VPS13C: variants seen among roughly 807,000 people sequenced by gnomAD.
VPS13C encodes vacuolar protein sorting 13 homolog C, also known as intermembrane lipid transfer protein VPS13C.
A neutral mutation model predicts 456.8 loss-of-function variants in VPS13C; 358 were observed. The ratio of observed to expected loss-of-function variants is 0.78; its 90% CI spans 0.72 to 0.86. The LOEUF is 0.86. Ranked by LOEUF, VPS13C falls within the 40% of genes least tolerant of loss-of-function variation. The pLI is 0.00. For missense variants in VPS13C, 4,818 were observed against 4,385.4 expected, an observed-to-expected ratio of 1.10 and a Z score of -2.79; for synonymous variants, 1,578 against 1,486.7, an observed-to-expected ratio of 1.06 and a Z score of -1.41.
chr15:61,962,318 C>G, intron 34 of VPS13C, 53 bp downstream of exon 34: 1 of 1,461,476 alleles, frequency 6.8e-7, no homozygotes, highest in Non-Finnish European at 9.2e-7. Context: ...ATAATTATCA[C>G]ACTTTTAAAA....
chr15:62,008,564 T>A, intron 14 of VPS13C, 91 bp downstream of exon 14: 1 of 718,882 alleles, frequency 1.4e-6, no homozygotes, highest in African/African-American at 1.8e-5. Flanking sequence ...AGTGGCTGAA[T>A]TACTTGGCTT....
chr15:61,923,953 C>T (rs1040376449), intron 53 of VPS13C, among the ~76,000 whole-genome samples: 1 of 140,808 alleles, frequency 7.1e-6, no homozygotes, highest in Non-Finnish European at 1.5e-5. Context: ...GCAAGCTCCG[C>T]CTCCCGGGTT....
intron 66 of VPS13C, among the ~76,000 whole-genome samples, chr15:61,899,477 TA>T (rs2042932174): frequency 6.6e-6 from 1 of 152,022 alleles, no homozygotes; most frequent in African/African-American, 2.4e-5. Context: ...AACTATACTA[TA>T]AACACCTCTA....
chr15:62,017,656 G>C (rs1596483136), intron 9 of VPS13C, among the ~76,000 whole-genome samples: 1 of 152,042 alleles, frequency 6.6e-6, no homozygotes, highest in Admixed American at 6.6e-5. Context: ...TCTCTGTTTT[G>C]GTACCAGTAC....
intron 3 of VPS13C, among the ~76,000 whole-genome samples, chr15:62,040,165 T>G (rs1361749574): frequency 6.6e-6 from 1 of 151,984 alleles, no homozygotes; most frequent in Non-Finnish European, 1.5e-5. Flanking sequence ...TTAAAACAAC[T>G]GAACTCATGG....
At chr15:62,030,230 C>A (rs1304276767) in intron 5 of VPS13C, among the ~76,000 whole-genome samples, 1 of 152,038 alleles carries the variant, frequency 6.6e-6, no homozygotes, top group East Asian at 1.9e-4. Flanking sequence ...GCAGCATTTA[C>A]AAATTCAAGG....
chr15:61,949,633 G>C, intron 41 of VPS13C, 28 bp from the exon 42 acceptor site: 1 of 1,576,134 alleles, frequency 6.3e-7, no homozygotes, highest in Non-Finnish European at 8.6e-7. Context: ...TAAAGAGGCA[G>C]ATTTCAGATG....
rs1458585112 is a variant in VPS13C at position 61,973,517 on chromosome 15, T to C, written c.2554A>G (p.Ile852Val). 1.9e-6 allele frequency: 3 copies of C among 1,612,382 alleles called. No homozygotes were observed. The highest frequency in any genetic ancestry group is 2.7e-5 in the African/African-American group (2 of 74,842). Residue 852 changes from isoleucine (I) to valine (V), a missense_variant, in exon 26 of 85, where the codon ATT becomes GTT. Physicochemically the swap from Ile to Val is conservative, Grantham distance 29. Coordinates refer to ENST00000644861, the MANE Select transcript of VPS13C (RefSeq NM_020821.3). ...AGACCTTTTGTACCACCTGAAATAA[T>C]AGGAATTGAGGATACCTAGCAAAGA... is the stretch of plus-strand genomic sequence containing the variant. ...SPERQVSSIP[I>V]ISGGTKGLLG...
chr15:61,925,614 G>C, intron 52 of VPS13C, 66 bp from the exon 53 acceptor site: 2 of 1,129,746 alleles, frequency 1.8e-6, no homozygotes. Context: ...ACACTTACAA[G>C]AACCATGTCT....
At chr15:61,898,561 A>AAT (rs1421298566) in intron 66 of VPS13C, among the ~76,000 whole-genome samples, 2 of 152,108 alleles carry the variant, frequency 1.3e-5, no homozygotes, top group Admixed American at 1.3e-4. Context: ...AACTTTCCTA[A>AAT]ATATATATGC....
intron 31 of VPS13C, 69 bp from the exon 32 acceptor site, chr15:61,964,020 C>A: frequency 2.0e-6 from 2 of 1,005,848 alleles, no homozygotes; most frequent in South Asian, 1.5e-5. Flanking sequence ...AAGGTTTATT[C>A]GCTATATTAA....
In VPS13C at chr15:61,945,871, A is replaced by C. The variant is rs1249079970; in HGVS notation, c.4992T>G (p.Ile1664Met). ...GGAACCTAAAGACTTCATCTCCCAA[A>C]ATAGAGACAGCCTAAAAGTATTAGA... The part of the protein sequence containing the change: ...LQSIHKKAVS[I>M]LGDEVFRFQL... The change falls in exon 45 of 85, where the codon ATT becomes ATG. Residue 1664 changes from isoleucine (I) to methionine (M), a missense_variant. Physicochemically the swap from Ile to Met is conservative, Grantham distance 10. Transcript: ENST00000644861. 6.2e-7 allele frequency: 1 copy of C among 1,606,698 alleles called. No homozygotes were observed. Among genetic ancestry groups the C allele is most frequent in the African/African-American group, 1.3e-5 (1 of 74,410 alleles).
chr15:62,060,276 GC>G lies in VPS13C; in HGVS notation c.98del (p.Gly33AlafsTer6). 6.2e-7 allele frequency: 1 copy of G among 1,601,370 alleles called. No individual in the cohort carries two copies. Among genetic ancestry groups the G allele is most frequent in the Admixed American group, 1.7e-5 (1 of 59,202 alleles). ...NKSQLKLGIW[G>X]GNVALDNLQI... The stretch of plus-strand genomic sequence containing the variant: ...CACTGGCCGCGCCCTCTCGCTTACC[GC>G]CCCAGATGCCCAGCTTCAGCTGGGA... On this transcript the variant is annotated frameshift_variant and splice_region_variant, in exon 1 of 85. Coordinates refer to ENST00000644861, the MANE Select transcript of VPS13C (RefSeq NM_020821.3). LOFTEE classifies it high-confidence loss of function.
At chr15:61,889,677 GTAC>G (rs1369291013) in intron 67 of VPS13C, among the ~76,000 whole-genome samples, 5 of 152,096 alleles carry the variant, frequency 3.3e-5, no homozygotes, top group Non-Finnish European at 7.4e-5. Context: ...TAAAGATTAT[GTAC>G]TCATATCAAA....
intron 30 of VPS13C, 69 bp from the exon 31 acceptor site, chr15:61,964,930 C>T: frequency 7.0e-7 from 1 of 1,420,196 alleles, no homozygotes; most frequent in Non-Finnish European, 9.5e-7. Flanking sequence ...CACGACAGAC[C>T]CAAAAGATTC....
In VPS13C at chr15:62,044,228, A is replaced by G; in HGVS notation, c.128T>C (p.Ile43Thr). ...AAAACTTACCAGGGCATTTTCTTTT[A>G]TCTGTAGATTATCTAAAGCCACATT... ...GGNVALDNLQ[I>T]KENALSELDV... is the part of the protein sequence containing the mutation. The change falls in exon 2 of 85, where the codon ATA becomes ACA. Residue 43 changes from isoleucine (I) to threonine (T), a missense_variant. Physicochemically the swap from Ile to Thr is moderately conservative, Grantham distance 89. Around this residue, in one of 3 missense-constraint regions of VPS13C, gnomAD observed 4,552 missense variants for 4,130.6 expected, o/e 1.10. Coordinates refer to ENST00000644861, the MANE Select transcript of VPS13C (RefSeq NM_020821.3). The G allele has an allele frequency of 1.3e-6, 2 of 1,485,182 alleles. No individual in the cohort carries two copies. Among genetic ancestry groups the G allele is most frequent in the Non-Finnish European group, 1.9e-6 (2 of 1,080,802 alleles). 92.0% of individuals were successfully genotyped at this position (1,485,182 alleles called of 1,614,324 possible).
Position 61,972,608 on chromosome 15 carries a change from G to A in VPS13C, c.2757+17C>T, listed in dbSNP as rs1442866232. On this transcript the variant is annotated intron_variant, in intron 27 of 84. Coordinates refer to ENST00000644861, the MANE Select transcript of VPS13C (RefSeq NM_020821.3). ...GACAGCCAGAATATATCTATTTATAGACAAAAAAGCACATACTTCTTTAAT... is the reference window on the plus strand; with the variant it reads ...GACAGCCAGAATATATCTATTTATAAACAAAAAAGCACATACTTCTTTAAT... The A allele has an allele frequency of 6.2e-7, 1 of 1,609,998 alleles. No homozygotes were observed.
Position 62,033,474 on chromosome 15 carries a change from TTCGGGATAGC to T in VPS13C, c.342_351del (p.Ser116LysfsTer72), listed in dbSNP as rs2047885511. 1 of 1,607,376 alleles carries T rather than the reference TTCGGGATAGC, an allele frequency of 6.2e-7. No individual in the cohort carries two copies. The highest frequency in any genetic ancestry group is 1.7e-5 in the Admixed American group (1 of 59,406). Reference sequence around the variant, plus strand: ...GCTGCTTTTTGAAGGGCTTCTTCAATTCGGGATAGCTCTTTCTGTTTAACATCCTGCAAGG... The same window carrying T: ...GCTGCTTTTTGAAGGGCTTCTTCAATTCTTTCTGTTTAACATCCTGCAAGG... On this transcript the variant is annotated frameshift_variant, in exon 5 of 85. Coordinates refer to ENST00000644861, the MANE Select transcript of VPS13C (RefSeq NM_020821.3). LOFTEE classifies it high-confidence loss of function.
intron 13 of VPS13C, 99 bp downstream of exon 13, chr15:62,010,372 AC>A (rs2046998528): frequency 3.1e-6 from 4 of 1,287,256 alleles, no homozygotes; most frequent in Non-Finnish European, 3.0e-6. Flanking sequence ...AACATAACAA[AC>A]CCCAAAAAAC....
Sources: gnomAD v4.1 joint callset for allele counts (sites outside exome capture counted in the v4.1 genomes callset) on GRCh38, gnomAD v4.1.1 for gene constraint, gnomAD v4.1.1 regional missense constraint, MANE v1.5 for transcripts, NCBI Gene and HGNC (gene_info 2026-07-23, HGNC 2026-07-21) for gene names.